CILP: variants seen among roughly 807,000 people sequenced by gnomAD.
The protein encoded by CILP is cartilage intermediate layer protein.
In CILP, 75 loss-of-function variants were observed where a neutral mutation model predicts 82.5. That is an observed-to-expected ratio of 0.91 (90% confidence interval 0.75 to 1.10). The LOEUF (loss-of-function observed/expected upper bound fraction) is 1.10, where lower values mean the gene tolerates loss of function less well. Ranked by LOEUF, CILP falls within the 50% of genes least tolerant of loss-of-function variation. The probability of loss-of-function intolerance (pLI) is 0.00; values close to 1 mark genes in which losing one functional copy is unlikely to be tolerated. For synonymous variants in CILP, 530 were observed against 580.3 expected, an observed-to-expected ratio of 0.91 and a Z score of 1.25; for missense variants, 1,479 against 1,530.8, an observed-to-expected ratio of 0.97 and a Z score of 0.56.
At chr15:65,210,579 G>A (rs1036528822) in intron 1 of CILP, among the ~76,000 whole-genome samples, 18 of 152,224 alleles carry the variant, frequency 1.2e-4, no homozygotes, top group Non-Finnish European at 2.2e-4. Context: ...ACTATGGGGC[G>A]TGCGTGGCCC....
chr15:65,196,901 C>T lies in CILP; in HGVS notation c.3385G>A (p.Ala1129Thr). ...GGGGTGCTTTGGAGGTACTGGAAGGCACTCTGGCGGCCTACTTGCCTCTCT... is the reference window on the plus strand; with the variant it reads ...GGGGTGCTTTGGAGGTACTGGAAGGTACTCTGGCGGCCTACTTGCCTCTCT... ...CVERQVGRQSAFQYLQSTPAQ... is the reference protein window; with the variant it reads ...CVERQVGRQSTFQYLQSTPAQ... The change falls in exon 9 of 9, where the codon GCC (alanine) becomes ACC (threonine). Residue 1129 changes from alanine (A) to threonine (T), a missense_variant. Physicochemically the swap from Ala to Thr is moderately conservative, Grantham distance 58. Transcript: ENST00000261883. 1 of 1,613,378 alleles carries T rather than the reference C, an allele frequency of 6.2e-7. No homozygotes were observed. The highest frequency in any genetic ancestry group is 8.5e-7 in the Non-Finnish European group (1 of 1,179,658).
At chr15:65,203,222 C>A (rs897276495) in intron 7 of CILP, 140 bp downstream of exon 7, 4 of 585,584 alleles carry the variant, frequency 6.8e-6, no homozygotes, top group Admixed American at 3.1e-5. Flanking sequence ...TTGTAAGTCC[C>A]AACATCCGGG....
intron 4 of CILP, 95 bp downstream of exon 4, chr15:65,206,687 T>G: frequency 1.5e-6 from 2 of 1,363,460 alleles, no homozygotes; most frequent in South Asian, 2.7e-5. Context: ...ATGTGTGTGA[T>G]GCTGAGAGTT....
rs1404808749 is a variant in CILP, at chr15:65,198,118, T to C, written c.2168A>G (p.Lys723Arg). Residue 723 changes from lysine to arginine, a missense_variant, in exon 9 of 9, where the codon AAA (lysine) becomes AGA (arginine). Coordinates refer to ENST00000261883, the MANE Select transcript of CILP (RefSeq NM_003613.4). ...DFKFENQRRN[K>R]REDRTFLVGN... is the part of the protein sequence containing the mutation. Reference sequence around the variant, plus strand: ...CACCAGGAAGGTTCTGTCTTCTCTTTTGTTCCTCCTTTGATTTTCAAATTT... The same window carrying C: ...CACCAGGAAGGTTCTGTCTTCTCTTCTGTTCCTCCTTTGATTTTCAAATTT... 10 of 1,614,112 alleles carry C rather than the reference T, an allele frequency of 6.2e-6. No homozygotes were observed. The African/African-American group carries it at 1.2e-4, about 19-fold the overall frequency.
intron 7 of CILP, 124 bp downstream of exon 7, chr15:65,203,238 T>C (rs1191093531): frequency 5.8e-6 from 4 of 690,414 alleles, no homozygotes; most frequent in Non-Finnish European, 1.0e-5. Flanking sequence ...CCGGGCTCTG[T>C]ACCACTGTCT....
chr15:65,205,513 C>T (rs776806969), intron 4 of CILP, 47 bp from the exon 5 acceptor site: 3 of 1,515,500 alleles, frequency 2.0e-6, no homozygotes, highest in South Asian at 2.5e-5. Context: ...CTTGAGGGAA[C>T]TCTGTCAGGA....
chr15:65,208,113 C>T (rs1310115268), intron 2 of CILP, among the ~76,000 whole-genome samples: 1 of 152,200 alleles, frequency 6.6e-6, no homozygotes, highest in Non-Finnish European at 1.5e-5. Context: ...CCTGAGCAGC[C>T]AGTGGCCTGG....
Position 65,207,046 on chromosome 15 carries a change from C to T in CILP, c.160G>A (p.Gly54Ser). Residue 54 changes from glycine (G) to serine (S), a missense_variant, in exon 4 of 9, where the codon GGT becomes AGT. Gly to Ser is a moderately conservative substitution (Grantham distance 56). Coordinates refer to ENST00000261883, the MANE Select transcript of CILP (RefSeq NM_003613.4). ...ATGTTGAACCATGTTGTCCACTCAC[C>T]AGGGCCTGAGAGACATAGCCAAATT... Reference protein sequence around the residue: ...AKPADTLESPGEWTTWFNIDY... With the variant: ...AKPADTLESPSEWTTWFNIDY... 6.2e-7 allele frequency: 1 copy of T among 1,611,608 alleles called. No individual in the cohort carries two copies. The highest frequency in any genetic ancestry group is 2.2e-5 in the East Asian group (1 of 44,830).
In CILP at chr15:65,198,681, C is replaced by T. The variant is rs1310792761; in HGVS notation, c.1605G>A (p.Glu535=). 1 of 1,614,250 alleles carries T rather than the reference C, an allele frequency of 6.2e-7. No homozygotes were observed. The highest frequency in any genetic ancestry group is 8.5e-7 in the Non-Finnish European group (1 of 1,180,060). ...TFTLHVPQDT[E]RLVLTFVDRL... ...TGTCCACAAATGTGAGCACCAGCCT[C>T]TCAGTGTCCTGGGGGACATGGAGGG... The change falls in exon 9 of 9, where the codon GAG becomes GAA. Residue 535 remains glutamate (E), a synonymous_variant. Coordinates refer to ENST00000261883, the MANE Select transcript of CILP (RefSeq NM_003613.4).
rs1472284792 is a variant in CILP at position 65,198,948 on chromosome 15, C to A, written c.1338G>T (p.Arg446Ser). The A allele has an allele frequency of 6.2e-7, 1 of 1,613,896 alleles. No homozygotes were observed. Among genetic ancestry groups the A allele is most frequent in the African/African-American group, 1.3e-5 (1 of 74,934 alleles). Reference sequence around the variant, plus strand: ...AGCAGTTCTGCACAGCATCACGGCACCTGATCCCATTATCCTGCTGCCCTG... The same window carrying A: ...AGCAGTTCTGCACAGCATCACGGCAACTGATCCCATTATCCTGCTGCCCTG... ...TCAGQQDNGIRCRDAVQNCCG... is the reference protein window; with the variant it reads ...TCAGQQDNGISCRDAVQNCCG... The change falls in exon 9 of 9, where the codon AGG (arginine) becomes AGT (serine). Residue 446 changes from arginine to serine, a missense_variant. Arg to Ser is a moderately radical substitution (Grantham distance 110, BLOSUM62 -1). Coordinates refer to ENST00000261883, the MANE Select transcript of CILP (RefSeq NM_003613.4).
rs1398107882 is a variant in CILP at position 65,198,890 on chromosome 15, G to A, written c.1396C>T (p.Gln466Ter). The A allele has an allele frequency of 1.9e-6, 3 of 1,613,930 alleles. No individual in the cohort carries two copies. The African/African-American group carries it at 4.0e-5, about 22-fold the overall frequency. ...GISKTEEREI[Q>*]CSGYTLPTKV... ...GTGGGTAGCGTGTAGCCACTGCACT[G>A]GATCTCCCTTTCCTCTGTCTTGGAG... is the stretch of plus-strand genomic sequence containing the variant. Residue 466 changes from glutamine to a stop codon, truncating the protein, a stop_gained, in exon 9 of 9, where the codon CAG becomes TAG. Transcript: ENST00000261883. LOFTEE classifies it high-confidence loss of function.
chr15:65,200,949 C>T (rs1486726229), intron 8 of CILP, among the ~76,000 whole-genome samples: 1 of 152,228 alleles, frequency 6.6e-6, no homozygotes, highest in Non-Finnish European at 1.5e-5. Context: ...TATCTACCAT[C>T]TATTAGAGTC....
Position 65,204,399 on chromosome 15 carries a change from C to A in CILP, c.788G>T (p.Arg263Leu), listed in dbSNP as rs1018308810. 1.9e-6 allele frequency: 3 copies of A among 1,614,060 alleles called. No individual in the cohort carries two copies. Among genetic ancestry groups the A allele is most frequent in the African/African-American group, 2.7e-5 (2 of 74,918 alleles). Residue 263 changes from arginine to leucine, a missense_variant, in exon 6 of 9, where the codon CGA becomes CTA. Coordinates refer to ENST00000261883, the MANE Select transcript of CILP (RefSeq NM_003613.4). ...LTQTDSDGRF[R>L]IPGLCPDGKS... ...GCCATCAGGGCACAAGCCAGGGATTCGGAATCTCCCATCACTGTCTGTCTG... is the reference window on the plus strand; with the variant it reads ...GCCATCAGGGCACAAGCCAGGGATTAGGAATCTCCCATCACTGTCTGTCTG...
Position 65,198,237 on chromosome 15 carries a change from G to A in CILP, c.2049C>T (p.Asp683=). The A allele has an allele frequency of 6.2e-7, 1 of 1,614,270 alleles. No individual in the cohort carries two copies. The highest frequency in any genetic ancestry group is 1.1e-5 in the South Asian group (1 of 91,090). The part of the protein sequence containing the change: ...LNAGKVKVHL[D]STQVKMPEHI... ...GCTCTGGCATCTTGACCTGGGTCGAGTCAAGGTGGACCTTCACTTTGCCAG... is the reference window on the plus strand; with the variant it reads ...GCTCTGGCATCTTGACCTGGGTCGAATCAAGGTGGACCTTCACTTTGCCAG... Residue 683 remains aspartate, a synonymous_variant, in exon 9 of 9, where the codon GAC becomes GAT. Coordinates refer to ENST00000261883, the MANE Select transcript of CILP (RefSeq NM_003613.4).
Position 65,196,843 on chromosome 15 carries a change from C to A in CILP, c.3443G>T (p.Gly1148Val). The change falls in exon 9 of 9, where the codon GGA becomes GTA. Residue 1148 changes from glycine (G) to valine (V), a missense_variant. Physicochemically the swap from Gly to Val is moderately radical, Grantham distance 109. Coordinates refer to ENST00000261883, the MANE Select transcript of CILP (RefSeq NM_003613.4). The stretch of plus-strand genomic sequence containing the variant: ...CTGCTGCCTCCTCGAGGGCACTCTT[C>A]CTTGGACAGTGCCTGCAGCAGGGGA... ...AQSPAAGTVQGRVPSRRQQRA... is the reference protein window; with the variant it reads ...AQSPAAGTVQVRVPSRRQQRA... 6.2e-7 allele frequency: 1 copy of A among 1,613,748 alleles called. No homozygotes were observed. The highest frequency in any genetic ancestry group is 2.2e-5 in the East Asian group (1 of 44,884).
rs778452259 is a variant in CILP, at chr15:65,197,500, A to T, written c.2786T>A (p.Phe929Tyr). 6.2e-7 allele frequency: 1 copy of T among 1,614,196 alleles called. No individual in the cohort carries two copies. The highest frequency in any genetic ancestry group is 8.5e-7 in the Non-Finnish European group (1 of 1,180,036). ...CCAGCTCATAGGGTCATCTTCGTTG[A>T]AGGGGACTGTGTTGTAGTCATATCG... ...GDRYDYNTVP[F>Y]NEDDPMSWTE... is the part of the protein sequence containing the mutation. Residue 929 changes from phenylalanine (F) to tyrosine (Y), a missense_variant, in exon 9 of 9, where the codon TTC becomes TAC. By Grantham distance (22) the Phe-to-Tyr change is conservative. Transcript: ENST00000261883.
chr15:65,202,116 A>C, intron 7 of CILP, 87 bp from the exon 8 acceptor site: 1 of 1,133,780 alleles, frequency 8.8e-7, no homozygotes, highest in Non-Finnish European at 1.2e-6. Flanking sequence ...AGCCAAGGAG[A>C]CAGATGATGA....
chr15:65,198,287 C>T lies in CILP; in HGVS notation c.1999G>A (p.Glu667Lys). Reference protein sequence around the residue: ...YGMFSVDFRDEVTSEPLNAGK... With the variant: ...YGMFSVDFRDKVTSEPLNAGK... ...GCATTAAGTGGCTCTGAGGTGACCT[C>T]ATCTCTGAAGTCCACAGAGAACATG... The change falls in exon 9 of 9, where the codon GAG becomes AAG. Residue 667 changes from glutamate (E) to lysine (K), a missense_variant. By Grantham distance (56) the Glu-to-Lys change is moderately conservative (BLOSUM62 1). Coordinates refer to ENST00000261883, the MANE Select transcript of CILP (RefSeq NM_003613.4). 6.2e-7 allele frequency: 1 copy of T among 1,614,262 alleles called. No individual in the cohort carries two copies. The highest frequency in any genetic ancestry group is 8.5e-7 in the Non-Finnish European group (1 of 1,180,048).
chr15:65,206,229 G>C (rs1271854613), intron 4 of CILP, among the ~76,000 whole-genome samples: 1 of 152,174 alleles, frequency 6.6e-6, no homozygotes, highest in African/African-American at 2.4e-5. Context: ...TCAAAGGTCA[G>C]TTGTAAAGGT....
Sources: gnomAD v4.1 joint callset for allele counts (sites outside exome capture counted in the v4.1 genomes callset) on GRCh38, gnomAD v4.1.1 for gene constraint, MANE v1.5 for transcripts, NCBI Gene and HGNC (gene_info 2026-07-23, HGNC 2026-07-21) for gene names.